TPRG1: variants seen among roughly 807,000 people sequenced by gnomAD.
TPRG1 encodes tumor protein p63-regulated gene 1 protein.
In TPRG1, 29 loss-of-function variants were observed where a neutral mutation model predicts 29.3. That is an observed-to-expected ratio of 0.99 (90% CI 0.74 to 1.35). The LOEUF is 1.35. Among genes scored for constraint, TPRG1 ranks in the 40% most tolerant of loss-of-function variants. The probability of loss-of-function intolerance (pLI) is 0.00; values close to 1 mark genes in which losing one functional copy is unlikely to be tolerated. For missense variants in TPRG1, 327 were observed against 335.0 expected, an observed-to-expected ratio of 0.98 and a Z score of 0.19; for synonymous variants, 130 against 116.8, an observed-to-expected ratio of 1.11 and a Z score of -0.73.
At chr3:189,269,481 A>T (rs931416385) in intron 4 of TPRG1, among the ~76,000 whole-genome samples, 3 of 152,224 alleles carry the variant, frequency 2.0e-5, no homozygotes, top group African/African-American at 7.2e-5. Flanking sequence ...GAGAAGAGGC[A>T]TGTTCAAGAA....
intron 5 of TPRG1, among the ~76,000 whole-genome samples, chr3:189,157,481 C>T (rs914712947): frequency 1.1e-4 from 17 of 152,106 alleles, no homozygotes; most frequent in Non-Finnish European, 2.5e-4. Flanking sequence ...ACATCAAGTG[C>T]CAGGAACTCA....
intron 5 of TPRG1, among the ~76,000 whole-genome samples, chr3:189,162,698 A>T (rs1435431459): frequency 6.6e-6 from 1 of 152,206 alleles, no homozygotes; most frequent in Non-Finnish European, 1.5e-5. Flanking sequence ...AGACAGAGGT[A>T]GAAAACCCTA....
chr3:189,159,834 T>TTGTGTGTG (rs779237990), intron 5 of TPRG1, among the ~76,000 whole-genome samples: 411 of 95,452 alleles, frequency 4.3e-3, no homozygotes, highest in Middle Eastern at 0.017. Flanking sequence ...CATGGAGTGT[T>TTGTGTGTG]TGTGTATGTG....
intron 4 of TPRG1, among the ~76,000 whole-genome samples, chr3:189,148,144 A>AG (rs936019636): frequency 5.9e-5 from 9 of 152,330 alleles, no homozygotes; most frequent in South Asian, 2.1e-4. Flanking sequence ...GCAAGTTGCT[A>AG]TAAAACCTTT....
At chr3:189,179,122 C>T (rs1485622126) in intron 1 of TPRG1, among the ~76,000 whole-genome samples, 1 of 152,208 alleles carries the variant, frequency 6.6e-6, no homozygotes, top group Non-Finnish European at 1.5e-5. Context: ...AACTTACCAA[C>T]ATCTATGATA....
chr3:189,226,797 C>CAAAAAAAAAAAAAAAA (rs1175619202), intron 3 of TPRG1, among the ~76,000 whole-genome samples: 1 of 81,752 alleles, frequency 1.2e-5, no homozygotes, highest in Non-Finnish European at 2.6e-5. Context: ...GCAAGGCTGA[C>CAAAAAAAAAAAAAAAA]AAAAAAAAAA....
chr3:189,258,338 A>G (rs1021925690), intron 4 of TPRG1, among the ~76,000 whole-genome samples: 8 of 152,210 alleles, frequency 5.3e-5, no homozygotes, highest in African/African-American at 1.9e-4. Flanking sequence ...CAGAGGGTGC[A>G]GAACAGCTAA....
intron 1 of TPRG1, among the ~76,000 whole-genome samples, chr3:189,107,594 A>G (rs1243339490): frequency 6.6e-6 from 1 of 152,120 alleles, no homozygotes; most frequent in Non-Finnish European, 1.5e-5. Flanking sequence ...GAATCATATC[A>G]ATCTTTTCAT....
intron 1 of TPRG1, among the ~76,000 whole-genome samples, chr3:189,111,751 C>A (rs1720556101): frequency 6.6e-6 from 1 of 152,124 alleles, no homozygotes; most frequent in African/African-American, 2.4e-5. Context: ...TAGTAGGTTT[C>A]TAAAGTATGT....
chr3:189,309,066 CTTT>C (rs58250420), intron 4 of TPRG1, among the ~76,000 whole-genome samples: 28 of 90,790 alleles, frequency 3.1e-4, no homozygotes, highest in African/African-American at 1.2e-3. Context: ...TTCCTATATA[CTTT>C]TTTTTTTTTT....
chr3:189,294,107 T>A (rs1255582965), intron 4 of TPRG1, among the ~76,000 whole-genome samples: 1 of 152,202 alleles, frequency 6.6e-6, no homozygotes, highest in African/African-American at 2.4e-5. Context: ...AAAAGCATAG[T>A]TGGGTATACA....
chr3:189,105,319 CT>C (rs1719687691), intron 1 of TPRG1, among the ~76,000 whole-genome samples: 1 of 152,082 alleles, frequency 6.6e-6, no homozygotes, highest in South Asian at 2.1e-4. Context: ...GCACCTGAAT[CT>C]TCTCTATATG....
At chr3:189,276,662 A>G (rs757222285) in intron 4 of TPRG1, among the ~76,000 whole-genome samples, 41 of 152,186 alleles carry the variant, frequency 2.7e-4, no homozygotes, top group Non-Finnish European at 2.5e-4. Flanking sequence ...ATGTGTATTA[A>G]TCATAAAGTG....
chr3:189,106,999 AT>A lies in TPRG1; in HGVS notation c.-744+6805del, dbSNP rs142295790. On this transcript the variant is annotated intron_variant, in intron 1 of 6. Transcript: ENST00000412373. ...AGATAATTTAAGTGCACATAATGTG[AT>A]TTTTTTTTTAATCTTGGAAAAAATA... Among the ~76,000 whole-genome samples, 562 of 150,090 alleles carry A rather than the reference AT, an allele frequency of 3.7e-3. 2 individuals are homozygous for A. The highest frequency in any genetic ancestry group is 5.4e-3 in the Non-Finnish European group (364 of 67,332).
At position 189,102,709 on chromosome 3, in the gene TPRG1, C is replaced by A. The variant is rs1038294168; in HGVS notation, c.-744+2505C>A. On this transcript the variant is annotated intron_variant, in intron 1 of 6. Coordinates refer to the TPRG1 transcript ENST00000412373. ...ATGTTCATTCTGTTTGTTTTAAATT[C>A]TTCCATGGTTCCCCAAAGCTTTTAG... Among the ~76,000 whole-genome samples, 26 of 152,152 alleles carry A rather than the reference C, an allele frequency of 1.7e-4. 1 individual carries two copies. The highest frequency in any genetic ancestry group is 4.4e-5 in the Non-Finnish European group (3 of 68,016).
At chr3:189,008,205 T>TG (rs1260729479) in intron 3 of TPRG1, among the ~76,000 whole-genome samples, 1 of 151,990 alleles carries the variant, frequency 6.6e-6, no homozygotes, top group Non-Finnish European at 1.5e-5. Context: ...GAGGGGCCAA[T>TG]GGGGTGAGCA....
chr3:189,290,644 C>T (rs1718841017), intron 4 of TPRG1, among the ~76,000 whole-genome samples: 1 of 152,188 alleles, frequency 6.6e-6, no homozygotes, highest in African/African-American at 2.4e-5. Flanking sequence ...CTGAATGTTT[C>T]CAGGGCAGAG....
At chr3:189,281,610 G>A (rs1487515234) in intron 4 of TPRG1, among the ~76,000 whole-genome samples, 1 of 152,158 alleles carries the variant, frequency 6.6e-6, no homozygotes, top group African/African-American at 2.4e-5. Flanking sequence ...TATATGACAT[G>A]TAATTTTATA....
At chr3:189,079,118 C>T (rs1432832385) in intron 4 of TPRG1, among the ~76,000 whole-genome samples, 1 of 152,120 alleles carries the variant, frequency 6.6e-6, no homozygotes. Flanking sequence ...AGGAATGTCA[C>T]ATAGCAAGGG....
Sources: gnomAD v4.1 joint callset for allele counts (sites outside exome capture counted in the v4.1 genomes callset) on GRCh38, gnomAD v4.1.1 for gene constraint, MANE v1.5 for transcripts, NCBI Gene and HGNC (gene_info 2026-07-23, HGNC 2026-07-21) for gene names.